TOMM40: variants seen among roughly 807,000 people sequenced by gnomAD.
The protein encoded by TOMM40 is translocase of outer mitochondrial membrane 40.
Under a neutral mutation model 38.4 loss-of-function variants are expected in TOMM40, and 9 were observed. The ratio of observed to expected loss-of-function variants is 0.23; its 90% confidence interval spans 0.14 to 0.41. TOMM40 has a LOEUF of 0.41. Among genes scored for constraint, TOMM40 ranks in the 10% least tolerant of loss-of-function variants. The pLI is 1.00. For missense variants in TOMM40, 299 were observed against 486.5 expected (o/e 0.61, Z 3.63); for synonymous variants, 184 against 210.0 (o/e 0.88, Z 1.07).
In TOMM40 at chr19:44,891,288, C is replaced by T. The variant is rs1208080812; in HGVS notation, c.-128C>T. On this transcript the variant is annotated 5_prime_UTR_variant, in exon 1 of 9. Transcript: ENST00000426677. ...GTGGCGCACGGGGTGGGAGCGGAGC[C>T]CAGGCCGGGAGCAGGCGCCGCCGCC... 1.7e-6 allele frequency: 2 copies of T among 1,184,488 alleles called. No homozygotes were observed. The highest frequency in any genetic ancestry group is 1.6e-5 in the African/African-American group (1 of 62,648). The allele number at this position is 1,184,488 out of a possible 1,614,324, so 73.4% of individuals were successfully genotyped here. A position where few individuals can be genotyped will look rare whatever the true frequency, so the allele number is the denominator to read the frequency against.
Position 44,903,284 on chromosome 19 carries a change from G to GA in TOMM40, c.*115_*116insA, listed in dbSNP as rs1212164858. 1 of 1,174,132 alleles carries GA rather than the reference G, an allele frequency of 8.5e-7. No individual in the cohort carries two copies. The highest frequency in any genetic ancestry group is 1.2e-6 in the Non-Finnish European group (1 of 858,420). 72.7% of individuals were successfully genotyped at this position (1,174,132 alleles called of 1,614,324 possible). A position where few individuals can be genotyped will look rare whatever the true frequency, so the allele number is the denominator to read the frequency against. ...CCTTCCCTCCCCCCTTGGGGGTCGG[G>GA]GGGGACATTGGAAAGGAGGGACCCC... On this transcript the variant is annotated 3_prime_UTR_variant, in exon 9 of 9. Coordinates refer to ENST00000426677, the MANE Select transcript of TOMM40 (RefSeq NM_001128917.2).
intron 2 of TOMM40, 101 bp downstream of exon 2, chr19:44,892,561 C>A: frequency 8.9e-7 from 1 of 1,123,626 alleles, no homozygotes; most frequent in Non-Finnish European, 1.3e-6. Flanking sequence ...AAGAGCTGGG[C>A]TCCCTGATAC....
intron 5 of TOMM40, among the ~76,000 whole-genome samples, chr19:44,894,747 C>T (rs752315793): frequency 8.9e-4 from 136 of 152,176 alleles, no homozygotes; most frequent in Non-Finnish European, 9.6e-4. Context: ...GCTTTTCAGC[C>T]TGCAAGTAGT....
intron 5 of TOMM40, among the ~76,000 whole-genome samples, chr19:44,897,538 C>T (rs1969588634): frequency 6.6e-6 from 1 of 152,138 alleles, no homozygotes; most frequent in African/African-American, 2.4e-5. Flanking sequence ...CCTCAACCTC[C>T]ACCTTCTGGG....
intron 3 of TOMM40, 125 bp from the exon 4 acceptor site, chr19:44,893,655 G>A (rs561583313): frequency 9.1e-5 from 66 of 724,594 alleles, no homozygotes; most frequent in Middle Eastern, 4.0e-4. Context: ...GGTGGTCAGA[G>A]AGCACTTCGT....
chr19:44,894,261 C>CTTTTTTTTTTTTTTTTTTTT (rs35647923), intron 5 of TOMM40, among the ~76,000 whole-genome samples, 195 bp downstream of exon 5: 1 of 133,668 alleles, frequency 7.5e-6, no homozygotes. Flanking sequence ...TCAGAGCAGT[C>CTTTTTTTTTTTTTTTTTTTT]TTTTTTTTTT....
chr19:44,892,370 G>A (rs760584547), intron 1 of TOMM40, 23 bp from the exon 2 acceptor site: 13 of 1,613,098 alleles, frequency 8.1e-6, no homozygotes, highest in South Asian at 3.3e-5. Context: ...GGAGTGGAGT[G>A]TGACAGCGTT....
At chr19:44,901,528 A>C (rs1969683560) in intron 8 of TOMM40, 17 of 1,233,866 alleles carry the variant, frequency 1.4e-5, no homozygotes, top group Non-Finnish European at 7.6e-6. Flanking sequence ...CGAGGTAAGG[A>C]GATTGAGACC....
intron 6 of TOMM40, 43 bp from the exon 7 acceptor site, chr19:44,900,985 C>G: frequency 6.2e-7 from 1 of 1,612,432 alleles, no homozygotes; most frequent in Non-Finnish European, 8.5e-7. Flanking sequence ...ATGCCCAAAT[C>G]CCCTTGGTAA....
chr19:44,893,221 A>G (rs935150855), intron 3 of TOMM40, among the ~76,000 whole-genome samples: 1 of 152,228 alleles, frequency 6.6e-6, no homozygotes, highest in Admixed American at 6.5e-5. Flanking sequence ...ACTGTAGATC[A>G]TGCAGAACTT....
Position 44,892,899 on chromosome 19 carries a change from T to C in TOMM40, c.405T>C (p.Tyr135=), listed in dbSNP as rs573541034. ...GESNYHFGVT[Y]VGTKQLSPTE... is the part of the protein sequence containing the mutation. ...CCAACTACCACTTCGGGGTCACATATGTGGGGACAAAGCAGCTGAGTCCCA... is the reference window on the plus strand; with the variant it reads ...CCAACTACCACTTCGGGGTCACATACGTGGGGACAAAGCAGCTGAGTCCCA... Residue 135 remains tyrosine, a synonymous_variant, in exon 3 of 9, where the codon TAT becomes TAC. Transcript: ENST00000426677. 169 of 1,613,992 alleles carry C rather than the reference T, an allele frequency of 1.0e-4. 2 individuals carry two copies. In the South Asian group the frequency reaches 1.6e-3, roughly 15 times the overall value.
chr19:44,894,192 ACAT>A, intron 5 of TOMM40, 126 bp downstream of exon 5: 1 of 627,058 alleles, frequency 1.6e-6, no homozygotes, highest in Non-Finnish European at 2.7e-6. Context: ...TGATTTTGAA[ACAT>A]CAGGCAACAT....
At chr19:44,895,837 G>A (rs983945316) in intron 5 of TOMM40, among the ~76,000 whole-genome samples, 19 of 152,060 alleles carry the variant, frequency 1.2e-4, no homozygotes, top group Middle Eastern at 3.2e-3. Context: ...GTGAGCCACC[G>A]CGCCCGGCCG....
At chr19:44,898,247 C>T (rs993736517) in intron 5 of TOMM40, among the ~76,000 whole-genome samples, 4 of 152,170 alleles carry the variant, frequency 2.6e-5, no homozygotes, top group African/African-American at 9.7e-5. Flanking sequence ...TGCTAGCAGG[C>T]CAGCCTGCTC....
intron 5 of TOMM40, among the ~76,000 whole-genome samples, chr19:44,895,607 G>A (rs1169049986): frequency 3.3e-5 from 5 of 151,948 alleles, no homozygotes; most frequent in Admixed American, 6.6e-5. Flanking sequence ...GTGCAATCTC[G>A]GCTCACTGCA....
chr19:44,898,679 A>C (rs868157471), intron 5 of TOMM40, among the ~76,000 whole-genome samples: 2 of 151,536 alleles, frequency 1.3e-5, no homozygotes, highest in South Asian at 2.1e-4. Flanking sequence ...CTGGGACTAC[A>C]GGTGTGCACC....
At chr19:44,902,997 T>C in intron 8 of TOMM40, 33 bp from the exon 9 acceptor site, 1 of 1,601,146 alleles carries the variant, frequency 6.2e-7, no homozygotes, top group Non-Finnish European at 8.5e-7. Context: ...GGTGGGAAGC[T>C]GGCACGCCTC....
At chr19:44,897,227 T>TG (rs150006531) in intron 5 of TOMM40, among the ~76,000 whole-genome samples, 4,409 of 151,984 alleles carry the variant, frequency 0.029, 76 homozygotes, top group African/African-American at 0.049. Flanking sequence ...GTAGAGAAAC[T>TG]GGGGGGGTGG....
At chr19:44,894,259 G>GCC in intron 5 of TOMM40, among the ~76,000 whole-genome samples, 193 bp downstream of exon 5, 1 of 91,418 alleles carries the variant, frequency 1.1e-5, no homozygotes. Context: ...AGTCAGAGCA[G>GCC]TCTTTTTTTT....
Sources: gnomAD v4.1 joint callset for allele counts (sites outside exome capture counted in the v4.1 genomes callset) on GRCh38, gnomAD v4.1.1 for gene constraint, MANE v1.5 for transcripts, NCBI Gene and HGNC (gene_info 2026-07-23, HGNC 2026-07-21) for gene names.